The following TTC8 variants were observed in gnomAD, a reference collection of about 807,000 sequenced individuals.
TTC8 encodes the protein tetratricopeptide repeat protein 8.
A neutral mutation model predicts 72.5 loss-of-function variants in TTC8; 47 were observed. That is an observed-to-expected ratio of 0.65 (90% CI 0.51 to 0.83). TTC8 has a LOEUF of 0.83. Ranked by LOEUF, TTC8 falls within the 40% of genes least tolerant of loss-of-function variation. The pLI is 0.00. For synonymous variants in TTC8, 199 were observed against 221.4 expected (o/e 0.90, Z 0.90); for missense variants, 611 against 623.2 (o/e 0.98, Z 0.21).
At chr14:88,859,265 C>G (rs1186086325) in intron 9 of TTC8, among the ~76,000 whole-genome samples, 1 of 152,018 alleles carries the variant, frequency 6.6e-6, no homozygotes, top group Non-Finnish European at 1.5e-5. Context: ...TGGAATTAAC[C>G]TAAATGCCCA....
intron 9 of TTC8, among the ~76,000 whole-genome samples, chr14:88,857,547 G>A (rs1335018215): frequency 1.3e-5 from 2 of 152,084 alleles, no homozygotes; most frequent in East Asian, 1.9e-4. Context: ...CTCACTACTC[G>A]CATAGGTAAC....
chr14:88,832,647 G>A (rs977496864), intron 1 of TTC8, among the ~76,000 whole-genome samples: 2 of 152,158 alleles, frequency 1.3e-5, no homozygotes, highest in Non-Finnish European at 2.9e-5. Flanking sequence ...ACTCAAATGA[G>A]ATAATGGGCT....
intron 1 of TTC8, among the ~76,000 whole-genome samples, chr14:88,827,159 G>A (rs1202161021): frequency 6.6e-6 from 1 of 152,008 alleles, no homozygotes. Flanking sequence ...TGAGTTCATA[G>A]TGACATTCAG....
chr14:88,853,275 C>CA (rs2094841755), intron 8 of TTC8, among the ~76,000 whole-genome samples: 2 of 152,024 alleles, frequency 1.3e-5, no homozygotes, highest in Non-Finnish European at 2.9e-5. Context: ...GCTTTGAGAC[C>CA]ATCAGGCCCA....
Position 88,877,582 on chromosome 14 carries a change from T to C in TTC8, c.*172T>C. 3.7e-6 allele frequency: 2 copies of C among 546,424 alleles called. No homozygotes were observed. The allele number at this position is 546,424 out of a possible 1,614,324, so 33.8% of individuals were successfully genotyped here. On this transcript the variant is annotated 3_prime_UTR_variant, in exon 15 of 15. Coordinates refer to ENST00000380656, the MANE Select transcript of TTC8 (RefSeq NM_144596.4). The stretch of plus-strand genomic sequence containing the variant: ...CACAGAATGTGTAATGCAAATTTCA[T>C]AGTAATAGTAACTTTATAAAATAAT...
rs114557412 is a variant in TTC8 at position 88,839,501 on chromosome 14, A to T, written c.194A>T (p.Asp65Val). 6.2e-7 allele frequency: 1 copy of T among 1,613,350 alleles called. No homozygotes were observed. Among genetic ancestry groups the T allele is most frequent in the Non-Finnish European group, 8.5e-7 (1 of 1,179,544 alleles). ...GCGCTAACAGAAATGGTATACATAG[A>T]TGAAATTGATGTAGATCAGGAAGGA... is the stretch of plus-strand genomic sequence containing the variant. ...ARALTEMVYIDEIDVDQEGIA... is the reference protein window; with the variant it reads ...ARALTEMVYIVEIDVDQEGIA... Residue 65 changes from aspartate (D) to valine (V), a missense_variant, in exon 3 of 15, where the codon GAT becomes GTT. Coordinates refer to ENST00000380656, the MANE Select transcript of TTC8 (RefSeq NM_144596.4).
At chr14:88,837,018 G>A (rs541428470) in intron 2 of TTC8, 6 of 265,366 alleles carry the variant, frequency 2.3e-5, no homozygotes, top group Non-Finnish European at 3.8e-5. Flanking sequence ...CCGAGATCAC[G>A]CCATTGTACT....
intron 7 of TTC8, among the ~76,000 whole-genome samples, chr14:88,847,721 A>G (rs192954013): frequency 7.0e-4 from 107 of 152,340 alleles, no homozygotes; most frequent in African/African-American, 2.4e-3. Flanking sequence ...GCATATGTGT[A>G]ATCTCTATCT....
In TTC8 at chr14:88,839,532, A is replaced by C; in HGVS notation, c.225A>C (p.Ala75=). The change falls in exon 3 of 15, where the codon GCA becomes GCC. Residue 75 remains alanine (A), a synonymous_variant. Transcript: ENST00000380656. ...DEIDVDQEGI[A]EMMLDENAIA... ...TTGATGTAGATCAGGAAGGAATTGCAGAAATGATGCTGGATGAAAATGCTA... is the reference window on the plus strand; with the variant it reads ...TTGATGTAGATCAGGAAGGAATTGCCGAAATGATGCTGGATGAAAATGCTA... 6.2e-7 allele frequency: 1 copy of C among 1,613,386 alleles called. No individual in the cohort carries two copies. Among genetic ancestry groups the C allele is most frequent in the East Asian group, 2.2e-5 (1 of 44,724 alleles).
chr14:88,880,946 C>A (rs574900454), downstream of TTC8: 7 of 152,184 alleles, frequency 4.6e-5, no homozygotes, highest in African/African-American at 1.7e-4. Flanking sequence ...ACATTTTTAA[C>A]CTCTTCAGAG....
At chr14:88,872,766 A>C (rs2094940315) in intron 13 of TTC8, among the ~76,000 whole-genome samples, 1 of 152,098 alleles carries the variant, frequency 6.6e-6, no homozygotes, top group Non-Finnish European at 1.5e-5. Context: ...AAATCCTTGG[A>C]GCCACCCCGA....
chr14:88,875,172 A>G, intron 14 of TTC8, 63 bp downstream of exon 14: 2 of 1,414,436 alleles, frequency 1.4e-6, no homozygotes, highest in Non-Finnish European at 2.0e-6. Flanking sequence ...GTTTTAAAAA[A>G]AGTACAAATA....
chr14:88,856,410 C>T (rs1174118754), intron 8 of TTC8, among the ~76,000 whole-genome samples: 1 of 152,084 alleles, frequency 6.6e-6, no homozygotes, highest in Non-Finnish European at 1.5e-5. Flanking sequence ...TTTGATTTCA[C>T]AAAATAAAAC....
In TTC8 at chr14:88,862,541, C is replaced by CAT. The variant is rs71130022; in HGVS notation, c.909+1264_909+1265dup. The stretch of plus-strand genomic sequence containing the variant: ...ATTCCATTCTCTCTCTCTCTCTCTC[C>CAT]ATATATATATATATATATATATATA... On this transcript the variant is annotated intron_variant, in intron 10 of 14. Coordinates refer to ENST00000380656, the MANE Select transcript of TTC8 (RefSeq NM_144596.4). Among the ~76,000 whole-genome samples, 178 of 23,758 alleles carry CAT rather than the reference C, an allele frequency of 7.5e-3. 9 individuals carry two copies. Among genetic ancestry groups the CAT allele is most frequent in the Non-Finnish European group, 9.4e-3 (115 of 12,192 alleles). 15.6% of individuals were successfully genotyped at this position (23,758 alleles called of 152,430 possible). A position where few individuals can be genotyped will look rare whatever the true frequency, so the allele number is the denominator to read the frequency against.
intron 10 of TTC8, among the ~76,000 whole-genome samples, chr14:88,867,666 G>A (rs2094917031): frequency 1.3e-5 from 2 of 152,128 alleles, no homozygotes; most frequent in Admixed American, 1.3e-4. Flanking sequence ...CTACATACGA[G>A]GTTGTCAGTA....
intron 10 of TTC8, among the ~76,000 whole-genome samples, chr14:88,863,235 A>G (rs1017353325): frequency 1.3e-5 from 2 of 152,164 alleles, no homozygotes; most frequent in Non-Finnish European, 2.9e-5. Context: ...TCAGTGATTT[A>G]CTGGGACTCA....
chr14:88,824,881 A>G (rs2140944439), intron 1 of TTC8, 60 bp downstream of exon 1: 4 of 1,483,004 alleles, frequency 2.7e-6, no homozygotes, highest in East Asian at 4.7e-5. Flanking sequence ...GGTCTGGGGC[A>G]TATCCCAGCC....
At chr14:88,856,796 G>A (rs1257866298) in intron 8 of TTC8, among the ~76,000 whole-genome samples, 1 of 152,224 alleles carries the variant, frequency 6.6e-6, no homozygotes, top group Non-Finnish European at 1.5e-5. Context: ...GAGCAGAAGA[G>A]ATTTTCAAAT....
At chr14:88,826,207 C>G (rs557499198) in intron 1 of TTC8, among the ~76,000 whole-genome samples, 1 of 151,496 alleles carries the variant, frequency 6.6e-6, no homozygotes, top group South Asian at 2.1e-4. Flanking sequence ...CCAGGGTGGT[C>G]TCGAACTCCT....
Sources: allele counts gnomAD v4.1 joint callset (sites outside exome capture counted in the v4.1 genomes callset), GRCh38; gene constraint gnomAD v4.1.1; transcripts MANE v1.5; gene names NCBI Gene and HGNC (gene_info 2026-07-23, HGNC 2026-07-21).